XPNPEP2: variants seen among roughly 807,000 people sequenced by gnomAD.
XPNPEP2 encodes the protein xaa-Pro aminopeptidase 2.
A neutral mutation model predicts 59.8 loss-of-function variants in XPNPEP2; 64 were observed. The ratio of observed to expected loss-of-function variants is 1.07; its 90% CI spans 0.87 to 1.32. XPNPEP2 has a LOEUF of 1.32. XPNPEP2 is among the 40% of genes most tolerant of loss of function. The pLI, the probability that XPNPEP2 is intolerant of heterozygous loss-of-function variation, is 0.00. For synonymous variants in XPNPEP2, 235 were observed against 210.0 expected, an observed-to-expected ratio of 1.12 and a Z score of -1.03; for missense variants, 575 against 546.8, an observed-to-expected ratio of 1.05 and a Z score of -0.51.
At chrX:129,740,050 T>A (rs1246838501) in intron 1 of XPNPEP2, among the ~76,000 whole-genome samples, 2 of 112,693 alleles carry the variant, frequency 1.8e-5, no homozygotes, top group Non-Finnish European at 3.8e-5. Flanking sequence ...CACAGAGTCA[T>A]TCAGCTGCAG....
chrX:129,768,600 C>A lies in XPNPEP2; in HGVS notation c.*115C>A. The A allele has an allele frequency of 3.1e-6, 2 of 654,352 alleles. No individual in the cohort carries two copies. The highest frequency in any genetic ancestry group is 4.2e-6 in the Non-Finnish European group (2 of 476,944). 53.9% of individuals were successfully genotyped at this position (654,352 alleles called of 1,213,427 possible). On this transcript the variant is annotated 3_prime_UTR_variant, in exon 21 of 21. Coordinates refer to ENST00000371106, the MANE Select transcript of XPNPEP2 (RefSeq NM_003399.6). ...CCCCTGCTGGCCCATTGCCTAGAAA[C>A]CTTTGCATTCATCCTCCTTCTCCAA...
intron 11 of XPNPEP2, 68 bp downstream of exon 11, chrX:129,753,316 C>T: frequency 6.9e-6 from 7 of 1,019,877 alleles, no homozygotes; most frequent in Non-Finnish European, 8.3e-6. Context: ...AAAGGAAAGG[C>T]CTCCAGAAGA....
intron 1 of XPNPEP2, among the ~76,000 whole-genome samples, chrX:129,740,161 T>A (rs969513277): frequency 5.3e-5 from 6 of 112,995 alleles, no homozygotes; most frequent in Non-Finnish European, 9.4e-5. Flanking sequence ...TGTTAGCATA[T>A]CAGTGCCAAC....
chrX:129,745,110 G>A (rs768728969), intron 3 of XPNPEP2, 93 bp from the exon 4 acceptor site: 21 of 1,071,459 alleles, frequency 2.0e-5, no homozygotes, highest in South Asian at 3.9e-5. Context: ...GGTTGGAGCC[G>A]ACAGACAGAA....
chrX:129,750,700 G>A, intron 8 of XPNPEP2, 131 bp downstream of exon 8: 11 of 527,992 alleles, frequency 2.1e-5, no homozygotes, highest in Non-Finnish European at 2.9e-5. Flanking sequence ...GAACTCCATG[G>A]CCACAGCCCG....
intron 6 of XPNPEP2, among the ~76,000 whole-genome samples, chrX:129,747,265 C>T (rs770833469): frequency 8.9e-6 from 1 of 112,873 alleles, no homozygotes; most frequent in East Asian, 2.8e-4. Flanking sequence ...ATCACCATTC[C>T]TTTTGACTGT....
In XPNPEP2 at chrX:129,762,078, G is replaced by A. The variant is rs1252385414; in HGVS notation, c.1663+13G>A. 8.3e-7 allele frequency: 1 copy of A among 1,209,815 alleles called. No individual in the cohort carries two copies. Among genetic ancestry groups the A allele is most frequent in the Admixed American group, 2.2e-5 (1 of 46,056 alleles). On this transcript the variant is annotated intron_variant, in intron 18 of 20. Transcript: ENST00000371106. Reference sequence around the variant, plus strand: ...TTCACTTCCATTGGTATGGCCCTCAGGCCCCTCTACCTCACCACCCCATCC... The same window carrying A: ...TTCACTTCCATTGGTATGGCCCTCAAGCCCCTCTACCTCACCACCCCATCC...
At chrX:129,759,515 C>T (rs1252042281) in intron 15 of XPNPEP2, among the ~76,000 whole-genome samples, 3 of 112,571 alleles carry the variant, frequency 2.7e-5, no homozygotes, top group South Asian at 3.6e-4. Context: ...GTGCCTGGCC[C>T]TGTACTCAGC....
chrX:129,746,509 T>G (rs1317434935), intron 5 of XPNPEP2, 86 bp from the exon 6 acceptor site: 4 of 1,004,422 alleles, frequency 4.0e-6, no homozygotes, highest in Non-Finnish European at 5.6e-6. Context: ...ACACACATGG[T>G]AGGACCATCA....
rs747077411 is a variant in XPNPEP2 at position 129,746,351 on chromosome X, C to T, written c.403+11C>T. The T allele has an allele frequency of 5.0e-6, 6 of 1,196,058 alleles. No homozygotes were observed. The Admixed American group carries it at 6.6e-5, about 13-fold the overall frequency. On this transcript the variant is annotated intron_variant, in intron 5 of 20. Transcript: ENST00000371106. ...AGCTCCATAAGGAAGGTAGAAGGGC[C>T]GCATGGATTTGTTCCCCAAGTCTTG...
chrX:129,742,070 G>C, intron 1 of XPNPEP2, 38 bp from the exon 2 acceptor site: 1 of 1,178,814 alleles, frequency 8.5e-7, no homozygotes, highest in Non-Finnish European at 1.2e-6. Flanking sequence ...GAACTAGCTG[G>C]TCCCCAAATG....
Position 129,745,391 on chromosome X carries a change from C to T in XPNPEP2, c.298+125C>T, listed in dbSNP as rs1292663667. 9.5e-6 allele frequency: 7 copies of T among 740,351 alleles called. No homozygotes were observed. The African/African-American group carries it at 1.3e-4, about 13-fold the overall frequency. The allele number at this position is 740,351 out of a possible 1,213,427, so 61.0% of individuals were successfully genotyped here. A position where few individuals can be genotyped will look rare whatever the true frequency, so the allele number is the denominator to read the frequency against. On this transcript the variant is annotated intron_variant, in intron 4 of 20. Coordinates refer to ENST00000371106, the MANE Select transcript of XPNPEP2 (RefSeq NM_003399.6). ...ACCTACTGTAGAGAAAACCCTTCTACTCTCTCTGTCTCCCTCCACCACCCC... is the reference window on the plus strand; with the variant it reads ...ACCTACTGTAGAGAAAACCCTTCTATTCTCTCTGTCTCCCTCCACCACCCC...
chrX:129,746,812 T>A, intron 6 of XPNPEP2, 131 bp downstream of exon 6: 1 of 576,334 alleles, frequency 1.7e-6, no homozygotes, highest in Non-Finnish European at 2.9e-6. Context: ...TTTGAAATTG[T>A]AGTTGCAGAA....
At chrX:129,742,025 G>A in intron 1 of XPNPEP2, 83 bp from the exon 2 acceptor site, 1 of 937,552 alleles carries the variant, frequency 1.1e-6, no homozygotes. Context: ...GAGGCCCCGT[G>A]GGGCGGGCTG....
intron 2 of XPNPEP2, 133 bp downstream of exon 2, chrX:129,742,314 GTA>G: frequency 2.8e-6 from 1 of 354,894 alleles, no homozygotes; most frequent in Non-Finnish European, 4.9e-6. Flanking sequence ...GGGTCAGTTG[GTA>G]GCCCCTCCTC....
intron 17 of XPNPEP2, 105 bp downstream of exon 17, chrX:129,761,381 C>G (rs1274943263): frequency 1.4e-6 from 1 of 698,967 alleles, no homozygotes; most frequent in Admixed American, 3.0e-5. Context: ...CACAAAGATG[C>G]CATGATCTAC....
intron 3 of XPNPEP2, among the ~76,000 whole-genome samples, chrX:129,744,337 G>A (rs1422706785): frequency 8.9e-6 from 1 of 112,248 alleles, no homozygotes; most frequent in Non-Finnish European, 1.9e-5. Flanking sequence ...ATTCCCAGAA[G>A]GCAGATCCAG....
intron 5 of XPNPEP2, 95 bp from the exon 6 acceptor site, chrX:129,746,500 C>T: frequency 3.0e-6 from 3 of 988,127 alleles, no homozygotes; most frequent in East Asian, 3.0e-5. Flanking sequence ...TCAAGGAAGA[C>T]ACACATGGTA....
At chrX:129,755,695 A>G (rs1396936248) in intron 13 of XPNPEP2, among the ~76,000 whole-genome samples, 3 of 112,998 alleles carry the variant, frequency 2.7e-5, no homozygotes, top group Non-Finnish European at 3.7e-5. Flanking sequence ...CTGTTCACTC[A>G]GCCTGAACCA....
Sources: allele counts gnomAD v4.1 joint callset (sites outside exome capture counted in the v4.1 genomes callset), GRCh38; gene constraint gnomAD v4.1.1; transcripts MANE v1.5; gene names NCBI Gene and HGNC (gene_info 2026-07-23, HGNC 2026-07-21).